Variants in ATP11A observed in about 807,000 individuals in gnomAD.
ATP11A encodes phospholipid-transporting ATPase IH.
In ATP11A, 81 loss-of-function variants were observed where a neutral mutation model predicts 154.4. The observed-to-expected ratio is 0.52, with a 90% CI of 0.44 to 0.63. The LOEUF (loss-of-function observed/expected upper bound fraction) is 0.63. ATP11A is among the 30% of genes least tolerant of loss of function. The probability of loss-of-function intolerance (pLI) is 0.00; values close to 1 mark genes in which losing one functional copy is unlikely to be tolerated. For synonymous variants in ATP11A, 623 were observed against 585.9 expected (o/e 1.06, Z -0.91); for missense variants, 1,316 against 1,474.3 (o/e 0.89, Z 1.76).
intron 1 of ATP11A, among the ~76,000 whole-genome samples, chr13:112,771,460 G>A (rs2077224024): frequency 1.3e-5 from 2 of 152,202 alleles, no homozygotes; most frequent in Non-Finnish European, 2.9e-5. Context: ...ACAGCTGCAT[G>A]GTGCTTGCCC....
chr13:112,817,952 C>A (rs2078688432), intron 6 of ATP11A, among the ~76,000 whole-genome samples: 1 of 152,252 alleles, frequency 6.6e-6, no homozygotes, highest in African/African-American at 2.4e-5. Flanking sequence ...GGCCTGTTCA[C>A]TTCTCTGGAC....
At chr13:112,823,533 C>A (rs1340790323) in intron 9 of ATP11A, 124 bp downstream of exon 9, 9 of 705,186 alleles carry the variant, frequency 1.3e-5, no homozygotes, top group Non-Finnish European at 2.1e-5. Context: ...GGCTTTCTGG[C>A]CGCGCAAGTT....
Position 112,884,478 on chromosome 13 carries a change from T to G in ATP11A, c.*2612T>G, listed in dbSNP as rs1165045994. ...TGCTTGGGAAATTATTAAATGAATG[T>G]GCCTGATGATTTGAAATAGACAAGG... On this transcript the variant is annotated 3_prime_UTR_variant, in exon 30 of 30. Coordinates refer to ENST00000375645, the MANE Select transcript of ATP11A (RefSeq NM_015205.3). The G allele has an allele frequency of 6.6e-6, 1 of 152,332 alleles. No homozygotes were observed. Among genetic ancestry groups the G allele is most frequent in the Non-Finnish European group, 1.5e-5 (1 of 68,054 alleles). 9.4% of individuals were successfully genotyped at this position (152,332 alleles called of 1,614,324 possible).
In ATP11A at chr13:112,690,489, G is replaced by C; in HGVS notation, c.39+34G>C. The stretch of plus-strand genomic sequence containing the variant: ...TCCCGGCGCGGGCTGGGGGACCCGG[G>C]GACCAGACAGACGCGGGCCGGCCCC... On this transcript the variant is annotated intron_variant, in intron 1 of 29. Transcript: ENST00000375645. The surrounding 1 kb of genome is among the most constrained non-coding windows in gnomAD (Gnocchi z 5.6). 1.5e-6 allele frequency: 2 copies of C among 1,310,962 alleles called. No homozygotes were observed. Among genetic ancestry groups the C allele is most frequent in the Non-Finnish European group, 1.9e-6 (2 of 1,029,666 alleles). 81.2% of individuals were successfully genotyped at this position (1,310,962 alleles called of 1,614,324 possible).
chr13:112,720,416 C>T (rs780174198), intron 1 of ATP11A, among the ~76,000 whole-genome samples: 2 of 152,238 alleles, frequency 1.3e-5, no homozygotes, highest in African/African-American at 2.4e-5. Context: ...CCACGCCCGA[C>T]GCGCAGGGTC....
At position 112,882,985 on chromosome 13, in the gene ATP11A, G is replaced by A. The variant is rs78518626; in HGVS notation, c.*1119G>A. 3.5e-5 allele frequency: 14 copies of A among 399,258 alleles called. No individual in the cohort carries two copies. The highest frequency in any genetic ancestry group is 2.6e-4 in the Admixed American group (6 of 22,722). The allele number at this position is 399,258 out of a possible 1,614,324, so 24.7% of individuals were successfully genotyped here. ...CTCCCGCACTGCAGCTCCGCCCGCC[G>A]GGCTCTGCGTCCCCACGTCCCCTCG... On this transcript the variant is annotated 3_prime_UTR_variant, in exon 30 of 30. Coordinates refer to ENST00000375645, the MANE Select transcript of ATP11A (RefSeq NM_015205.3). The surrounding 1 kb of genome is among the most constrained non-coding windows in gnomAD (Gnocchi z 5.1).
At chr13:112,744,292 G>A (rs972241849) in intron 1 of ATP11A, among the ~76,000 whole-genome samples, 2 of 151,218 alleles carry the variant, frequency 1.3e-5, no homozygotes, top group Non-Finnish European at 2.9e-5. Flanking sequence ...GGTCTGGGAG[G>A]GTGTGATGGA....
rs767090991 is a variant in ATP11A, at chr13:112,862,512, A to G, written c.2928A>G (p.Ala976=). ...GGACGCTCCTGGGACTGTTTGACGC[A>G]CTGGTGTTCTTCTTTGGTGCTTATT... ...IYWTLLGLFD[A]LVFFFGAYFV... Residue 976 remains alanine (A), a synonymous_variant, in exon 25 of 30, where the codon GCA becomes GCG. Transcript: ENST00000375645. 1.2e-6 allele frequency: 2 copies of G among 1,614,182 alleles called. No homozygotes were observed. The highest frequency in any genetic ancestry group is 1.7e-5 in the Admixed American group (1 of 60,020).
In ATP11A at chr13:112,770,662, G is replaced by A. The variant is rs879341412; in HGVS notation, c.40-14473G>A. Among the ~76,000 whole-genome samples, 9 of 152,224 alleles carry A rather than the reference G, an allele frequency of 5.9e-5. No individual in the cohort carries two copies. In the South Asian group the frequency reaches 8.3e-4, roughly 14 times the overall value. On this transcript the variant is annotated intron_variant, in intron 1 of 29. Coordinates refer to ENST00000375645, the MANE Select transcript of ATP11A (RefSeq NM_015205.3). ...GTCCACCTGCGGAGGGCCTGTTTGC[G>A]TTTATTACACCCGAGCAAGGCCCGC... is the stretch of plus-strand genomic sequence containing the variant.
intron 10 of ATP11A, 41 bp downstream of exon 10, chr13:112,824,466 T>C: frequency 6.3e-7 from 1 of 1,574,836 alleles, no homozygotes; most frequent in Non-Finnish European, 8.7e-7. Context: ...CTTAAAAGTG[T>C]CATTACCCAC....
intron 4 of ATP11A, among the ~76,000 whole-genome samples, chr13:112,808,733 C>T (rs754241272): frequency 6.6e-6 from 1 of 152,172 alleles, no homozygotes; most frequent in Non-Finnish European, 1.5e-5. Flanking sequence ...CCGCTGGGCA[C>T]TGACGGGCAT....
At chr13:112,812,204 G>A (rs1028826527) in intron 5 of ATP11A, 1 of 152,206 alleles carries the variant, frequency 6.6e-6, no homozygotes, top group African/African-American at 2.4e-5. Context: ...ACCTTTATAG[G>A]TAGAAACCAT....
intron 1 of ATP11A, among the ~76,000 whole-genome samples, chr13:112,691,500 G>T (rs1247103087): frequency 2.0e-5 from 3 of 149,704 alleles, no homozygotes; most frequent in Admixed American, 6.7e-5. Context: ...GTGTGTGTGT[G>T]TGTGTGTAGG....
intron 2 of ATP11A, among the ~76,000 whole-genome samples, chr13:112,799,552 A>G (rs1023247584): frequency 1.3e-5 from 2 of 151,886 alleles, no homozygotes; most frequent in Non-Finnish European, 2.9e-5. Flanking sequence ...TCCAGGGGGG[A>G]ATGTCACAAG....
Position 112,810,682 on chromosome 13 carries a change from A to G in ATP11A, c.397A>G (p.Ile133Val). Residue 133 changes from isoleucine to valine, a missense_variant, in exon 5 of 30, where the codon ATT becomes GTT. Physicochemically the swap from Ile to Val is conservative, Grantham distance 29. Coordinates refer to ENST00000375645, the MANE Select transcript of ATP11A (RefSeq NM_015205.3). ...NAMNQCPVHF[I>V]QHGKLVRKQS... ...CATGAACCAGTGTCCTGTTCATTTCATTCAGCACGGCAAGCTCGTTCGGAA... is the reference window on the plus strand; with the variant it reads ...CATGAACCAGTGTCCTGTTCATTTCGTTCAGCACGGCAAGCTCGTTCGGAA... The G allele has an allele frequency of 6.2e-7, 1 of 1,614,130 alleles. No homozygotes were observed. The highest frequency in any genetic ancestry group is 8.5e-7 in the Non-Finnish European group (1 of 1,180,030).
Position 112,875,938 on chromosome 13 carries a change from C to A in ATP11A, c.3324C>A (p.Val1108=). The change falls in exon 28 of 30, where the codon GTC becomes GTA. Residue 1108 remains valine (V), a synonymous_variant. Coordinates refer to ENST00000375645, the MANE Select transcript of ATP11A (RefSeq NM_015205.3). This position sits in a 1 kb window ranked among gnomAD's most constrained non-coding sequence, Gnocchi z 4.1. Reference sequence around the variant, plus strand: ...TGTGGCCAACAGCAACAGAGAGAGTCCAGGTACGGAGTGTCCCCAGCCGGG... The same window carrying A: ...TGTGGCCAACAGCAACAGAGAGAGTACAGGTACGGAGTGTCCCCAGCCGGG... The part of the protein sequence containing the change: ...RQLWPTATER[V]QTKSQCLSVE... 6.2e-7 allele frequency: 1 copy of A among 1,610,272 alleles called. No homozygotes were observed. Among genetic ancestry groups the A allele is most frequent in the African/African-American group, 1.3e-5 (1 of 75,044 alleles).
At chr13:112,720,567 T>A (rs1350804709) in intron 1 of ATP11A, among the ~76,000 whole-genome samples, 1 of 152,008 alleles carries the variant, frequency 6.6e-6, no homozygotes, top group Non-Finnish European at 1.5e-5. Flanking sequence ...GTTTTTTTTT[T>A]AATTTTTTTG....
At chr13:112,850,983 ATT>A in intron 17 of ATP11A, 52 bp from the exon 18 acceptor site, 1 of 1,565,210 alleles carries the variant, frequency 6.4e-7, no homozygotes, top group Non-Finnish European at 8.7e-7. Context: ...GGAGCGTAAT[ATT>A]TCAGCAAGTG....
At chr13:112,732,126 G>A (rs1265874820) in intron 1 of ATP11A, among the ~76,000 whole-genome samples, 3 of 152,134 alleles carry the variant, frequency 2.0e-5, no homozygotes, top group African/African-American at 7.2e-5. Flanking sequence ...TTAGGGACGT[G>A]GCAATAACTG....
Sources: allele counts gnomAD v4.1 joint callset (sites outside exome capture counted in the v4.1 genomes callset), GRCh38; gene constraint gnomAD v4.1.1; non-coding constraint Gnocchi (gnomAD v3.1); transcripts MANE v1.5; gene names NCBI Gene and HGNC (gene_info 2026-07-23, HGNC 2026-07-21).